The following DYM variants were observed in gnomAD, a reference collection of about 807,000 sequenced individuals.
DYM encodes the protein dymeclin, also known as dyggve-Melchior-Clausen syndrome protein.
In DYM, 78 loss-of-function variants were observed where a neutral mutation model predicts 93.1. The observed-to-expected ratio is 0.84, with a 90% CI of 0.70 to 1.01. The LOEUF is 1.01. DYM is among the 50% of genes least tolerant of loss of function. DYM has a pLI of 0.00. For synonymous variants in DYM, 321 were observed against 319.7 expected, an observed-to-expected ratio of 1.00 and a Z score of -0.04; for missense variants, 789 against 845.0, an observed-to-expected ratio of 0.93 and a Z score of 0.82.
At chr18:49,258,873 G>C (rs1353975470) in intron 11 of DYM, among the ~76,000 whole-genome samples, 2 of 143,180 alleles carry the variant, frequency 1.4e-5, no homozygotes, top group African/African-American at 2.6e-5. Context: ...GAGAGAGAGA[G>C]AGAGAGAGAG....
At chr18:49,144,135 T>C (rs1372565967) in intron 15 of DYM, among the ~76,000 whole-genome samples, 1 of 152,176 alleles carries the variant, frequency 6.6e-6, no homozygotes, top group Non-Finnish European at 1.5e-5. Context: ...TCTTCATTAA[T>C]GTGTTTTTCT....
intron 13 of DYM, among the ~76,000 whole-genome samples, chr18:49,246,670 C>G (rs919748290): frequency 2.0e-5 from 3 of 152,160 alleles, no homozygotes; most frequent in African/African-American, 7.2e-5. Context: ...AAAGGTCCTT[C>G]TAAGTCTATA....
At chr18:49,181,106 C>G (rs773159513) in intron 14 of DYM, among the ~76,000 whole-genome samples, 29 of 152,116 alleles carry the variant, frequency 1.9e-4, no homozygotes, top group Non-Finnish European at 3.5e-4. Context: ...ACTGGAAATA[C>G]CACGTCATGA....
chr18:49,418,611 T>C (rs2073281365), intron 2 of DYM, among the ~76,000 whole-genome samples: 2 of 152,226 alleles, frequency 1.3e-5, no homozygotes, highest in East Asian at 1.9e-4. Flanking sequence ...GCAGCAAACA[T>C]CGATTTTTGG....
At chr18:49,361,462 A>G (rs1328281072) in intron 6 of DYM, among the ~76,000 whole-genome samples, 2 of 152,234 alleles carry the variant, frequency 1.3e-5, no homozygotes, top group African/African-American at 4.8e-5. Context: ...GATGAGAAAC[A>G]TTAAAATCTA....
intron 14 of DYM, among the ~76,000 whole-genome samples, chr18:49,175,169 C>T (rs2089244103): frequency 1.3e-5 from 2 of 152,244 alleles, no homozygotes; most frequent in South Asian, 4.1e-4. Flanking sequence ...TTCCAAATGC[C>T]AAGTTCATTT....
At position 49,332,005 on chromosome 18, in the gene DYM, G is replaced by C. The variant is rs2063340132; in HGVS notation, c.622C>G (p.Leu208Val). The C allele has an allele frequency of 6.2e-7, 1 of 1,613,090 alleles. No individual in the cohort carries two copies. The highest frequency in any genetic ancestry group is 1.7e-5 in the Admixed American group (1 of 59,948). Reference protein sequence around the residue: ...SHKYLMRGPCLPYTSKLVKTL... With the variant: ...SHKYLMRGPCVPYTSKLVKTL... ...TTCACAAGTTTGCTGGTGTATGGAA[G>C]ACTATACAAAAAGGAAAAAAAAATC... Residue 208 changes from leucine (L) to valine (V), a missense_variant and splice_region_variant, in exon 8 of 18, where the codon CTT becomes GTT. Physicochemically the swap from Leu to Val is conservative, Grantham distance 32. This residue lies in a region of DYM where 450 missense variants were observed against 436.2 expected (regional missense o/e 1.03). Coordinates refer to ENST00000675505, the MANE Select transcript of DYM (RefSeq NM_001353214.3).
At chr18:49,117,483 G>A (rs1166348941) in intron 16 of DYM, among the ~76,000 whole-genome samples, 4 of 152,054 alleles carry the variant, frequency 2.6e-5, no homozygotes, top group Non-Finnish European at 4.4e-5. Context: ...GCCATTTAGA[G>A]TTCCTCTTTT....
intron 14 of DYM, among the ~76,000 whole-genome samples, chr18:49,173,213 C>T (rs979414935): frequency 1.3e-5 from 2 of 152,120 alleles, no homozygotes; most frequent in African/African-American, 4.8e-5. Context: ...GTCTTGATTA[C>T]ACCAGCTTTA....
rs76440074 is a variant in DYM at position 49,309,661 on chromosome 18, A to G, written c.763+22203T>C. 2.3e-3 allele frequency among the ~76,000 whole-genome samples: 352 copies of G among 152,280 alleles called. 8 individuals are homozygous for G. The East Asian group carries it at 0.047, about 20-fold the overall frequency. ...AAAAAAAACAAATGTTTTTAAATCT[A>G]ACTTTGTAATGTATAAACCATAGAT... On this transcript the variant is annotated intron_variant, in intron 8 of 17. Coordinates refer to ENST00000675505, the MANE Select transcript of DYM (RefSeq NM_001353214.3).
chr18:49,256,949 G>T, intron 13 of DYM, 61 bp downstream of exon 13: 1 of 1,366,138 alleles, frequency 7.3e-7, no homozygotes, highest in East Asian at 2.3e-5. Context: ...AACCACCATA[G>T]TATCCATCTT....
At chr18:49,216,147 TG>T (rs2093030909) in intron 13 of DYM, among the ~76,000 whole-genome samples, 1 of 152,202 alleles carries the variant, frequency 6.6e-6, no homozygotes, top group Non-Finnish European at 1.5e-5. Context: ...TCTCACTGAC[TG>T]CTAGCACAGC....
At chr18:49,428,101 GA>G (rs1448325241) in intron 2 of DYM, among the ~76,000 whole-genome samples, 2 of 151,356 alleles carry the variant, frequency 1.3e-5, no homozygotes, top group Admixed American at 6.6e-5. Context: ...AAAAAAAAAA[GA>G]AAAAAAGGAA....
chr18:49,155,760 T>C (rs2086338018), intron 15 of DYM, among the ~76,000 whole-genome samples: 1 of 152,222 alleles, frequency 6.6e-6, no homozygotes, highest in South Asian at 2.1e-4. Context: ...TAGTAGTATC[T>C]CACATGGTAT....
At chr18:49,310,432 G>A (rs918147839) in intron 8 of DYM, among the ~76,000 whole-genome samples, 3 of 151,992 alleles carry the variant, frequency 2.0e-5, no homozygotes, top group African/African-American at 7.2e-5. Flanking sequence ...ATTACTTTCT[G>A]AGCACAAAAG....
intron 6 of DYM, among the ~76,000 whole-genome samples, chr18:49,346,693 T>C (rs1353947280): frequency 6.6e-6 from 1 of 152,190 alleles, no homozygotes; most frequent in African/African-American, 2.4e-5. Context: ...GAAAGTTCTA[T>C]ATAGTGTACA....
In DYM at chr18:49,423,264, G is replaced by C. The variant is rs1187110005; in HGVS notation, c.140+6991C>G. Reference sequence around the variant, plus strand: ...CTCACTCAAAACCGCTCAACTACATGGAAACTGAACAACCTGCTCCTGAAT... The same window carrying C: ...CTCACTCAAAACCGCTCAACTACATCGAAACTGAACAACCTGCTCCTGAAT... On this transcript the variant is annotated intron_variant, in intron 2 of 17. Coordinates refer to ENST00000675505, the MANE Select transcript of DYM (RefSeq NM_001353214.3). Among the ~76,000 whole-genome samples, 3 of 152,170 alleles carry C rather than the reference G, an allele frequency of 2.0e-5. No individual in the cohort carries two copies. In the East Asian group the frequency reaches 5.8e-4, roughly 29 times the overall value.
chr18:49,107,824 G>A (rs895878396), intron 16 of DYM, among the ~76,000 whole-genome samples: 9 of 152,220 alleles, frequency 5.9e-5, no homozygotes, highest in Non-Finnish European at 1.3e-4. Context: ...CTACTGGGGG[G>A]TGCCTCCCAG....
intron 15 of DYM, among the ~76,000 whole-genome samples, chr18:49,127,722 C>T (rs182070140): frequency 2.9e-3 from 436 of 152,306 alleles, no homozygotes; most frequent in African/African-American, 1.0e-2. Context: ...CACTGGTGCA[C>T]ACACTGGAAA....
Sources: allele counts gnomAD v4.1 joint callset (sites outside exome capture counted in the v4.1 genomes callset), GRCh38; gene constraint gnomAD v4.1.1; regional missense constraint gnomAD v4.1.1; transcripts MANE v1.5; gene names NCBI Gene and HGNC (gene_info 2026-07-23, HGNC 2026-07-21).